The following TRPM3 variants were observed in gnomAD, a reference collection of about 807,000 sequenced individuals.
TRPM3 encodes the protein long transient receptor potential channel 3.
A neutral mutation model predicts 181.2 loss-of-function variants in TRPM3; 77 were observed. The observed-to-expected ratio is 0.42, with a 90% CI of 0.35 to 0.51. TRPM3 has a LOEUF of 0.51. Ranked by LOEUF, TRPM3 falls within the 20% of genes least tolerant of loss-of-function variation. TRPM3 has a pLI of 0.01. For synonymous variants in TRPM3, 745 were observed against 796.4 expected, an observed-to-expected ratio of 0.94 and a Z score of 1.09; for missense variants, 1,759 against 2,196.7, an observed-to-expected ratio of 0.80 and a Z score of 3.98.
chr9:71,137,433 G>A (rs1203502647), intron 1 of TRPM3, among the ~76,000 whole-genome samples: 1 of 150,982 alleles, frequency 6.6e-6, no homozygotes, highest in Non-Finnish European at 1.5e-5. Context: ...GCTCATCTAA[G>A]CATAACACAG....
At chr9:71,292,107 C>T (rs545337846) in intron 1 of TRPM3, among the ~76,000 whole-genome samples, 100 of 151,890 alleles carry the variant, frequency 6.6e-4, no homozygotes, top group African/African-American at 1.5e-3. Flanking sequence ...TTCTAAAGAG[C>T]GCATGTAAAA....
chr9:70,686,686 T>TTTCCTTCCTTCC (rs778689995), intron 8 of TRPM3, among the ~76,000 whole-genome samples: 898 of 58,818 alleles, frequency 0.015, 24 homozygotes, highest in Middle Eastern at 0.038. Context: ...TCCTTCCTTC[T>TTTCCTTCCTTCC]TTCCTTCCTT....
intron 1 of TRPM3, among the ~76,000 whole-genome samples, chr9:71,224,885 C>T (rs78334405): frequency 0.019 from 2,857 of 151,728 alleles, 98 homozygotes; most frequent in African/African-American, 0.066. Flanking sequence ...AAAATTAGTG[C>T]GCTTAAAGAC....
At chr9:70,821,726 CA>C (rs2093187524) in intron 6 of TRPM3, among the ~76,000 whole-genome samples, 1 of 152,160 alleles carries the variant, frequency 6.6e-6, no homozygotes, top group African/African-American at 2.4e-5. Context: ...TCAGGCATAA[CA>C]TTTTTTTCAT....
intron 6 of TRPM3, among the ~76,000 whole-genome samples, chr9:70,812,655 C>G (rs993176036): frequency 2.6e-5 from 4 of 152,186 alleles, no homozygotes; most frequent in Admixed American, 2.0e-4. Context: ...GACAACACCA[C>G]AAACCCTCCT....
intron 20 of TRPM3, among the ~76,000 whole-genome samples, chr9:70,600,131 A>G (rs2059628886): frequency 6.6e-6 from 1 of 152,204 alleles, no homozygotes; most frequent in Admixed American, 6.5e-5. Context: ...ACAGCTGGAC[A>G]GCAGAAGTTG....
At chr9:71,092,717 C>T (rs2066428680) in intron 1 of TRPM3, among the ~76,000 whole-genome samples, 2 of 152,108 alleles carry the variant, frequency 1.3e-5, no homozygotes, top group Admixed American at 1.3e-4. Flanking sequence ...ATATCTTCTA[C>T]TTTTTGGTCA....
intron 1 of TRPM3, among the ~76,000 whole-genome samples, chr9:71,163,896 T>C (rs2076394491): frequency 6.6e-6 from 1 of 152,152 alleles, no homozygotes; most frequent in South Asian, 2.1e-4. Flanking sequence ...ATCAGAATTA[T>C]CAAGAACTAT....
chr9:70,586,485 G>A (rs746135489), intron 22 of TRPM3, among the ~76,000 whole-genome samples: 65 of 152,176 alleles, frequency 4.3e-4, no homozygotes, highest in Admixed American at 7.9e-4. Flanking sequence ...TCTCTATAAC[G>A]TGAGCTGGCT....
intron 1 of TRPM3, among the ~76,000 whole-genome samples, chr9:70,982,806 T>C (rs1320229194): frequency 6.6e-6 from 1 of 152,180 alleles, no homozygotes; most frequent in Non-Finnish European, 1.5e-5. Context: ...CTTCAAGTGG[T>C]TCTTGTGCCT....
chr9:70,629,896 G>C (rs1024719384), intron 12 of TRPM3, among the ~76,000 whole-genome samples: 2 of 152,136 alleles, frequency 1.3e-5, no homozygotes, highest in Non-Finnish European at 2.9e-5. Context: ...AACCTTCTTC[G>C]GGAGGAAGAA....
At chr9:71,366,968 GTGTC>G (rs2092356512) in intron 1 of TRPM3, among the ~76,000 whole-genome samples, 1 of 152,146 alleles carries the variant, frequency 6.6e-6, no homozygotes, top group Non-Finnish European at 1.5e-5. Flanking sequence ...GTTTTTAAAA[GTGTC>G]AGGCAGATAG....
intron 22 of TRPM3, among the ~76,000 whole-genome samples, chr9:70,554,907 C>T (rs781072497): frequency 1.3e-5 from 2 of 152,108 alleles, no homozygotes; most frequent in Non-Finnish European, 2.9e-5. Context: ...TTTATTATTG[C>T]AGTTGTGGCA....
intron 1 of TRPM3, among the ~76,000 whole-genome samples, chr9:71,341,502 C>G (rs766826000): frequency 6.6e-6 from 1 of 151,950 alleles, no homozygotes; most frequent in Non-Finnish European, 1.5e-5. Context: ...CAGACGAACT[C>G]AAGTTGAGAA....
At chr9:70,777,030 TTTGTTG>T (rs34245363) in intron 7 of TRPM3, among the ~76,000 whole-genome samples, 2 of 151,908 alleles carry the variant, frequency 1.3e-5, no homozygotes, top group Non-Finnish European at 2.9e-5. Context: ...TATTTGGATT[TTTGTTG>T]TTGTTGTTGT....
chr9:70,700,201 T>C (rs578258568), intron 8 of TRPM3, among the ~76,000 whole-genome samples: 3 of 152,346 alleles, frequency 2.0e-5, no homozygotes, highest in Non-Finnish European at 2.9e-5. Context: ...CAGGCTGGTC[T>C]TGAACTCCTG....
At chr9:71,373,519 A>C (rs1469958256) in intron 1 of TRPM3, among the ~76,000 whole-genome samples, 1 of 152,190 alleles carries the variant, frequency 6.6e-6, no homozygotes, top group Non-Finnish European at 1.5e-5. Context: ...CATAAACTAG[A>C]AAATCTTGAA....
intron 8 of TRPM3, among the ~76,000 whole-genome samples, chr9:70,683,906 T>C (rs954699991): frequency 6.6e-6 from 1 of 152,178 alleles, no homozygotes; most frequent in Admixed American, 6.5e-5. Flanking sequence ...TGGCTGGCCC[T>C]TTAAGTCAAC....
intron 1 of TRPM3, among the ~76,000 whole-genome samples, chr9:71,054,560 G>A (rs2060444709): frequency 6.6e-6 from 1 of 152,002 alleles, no homozygotes; most frequent in Admixed American, 6.6e-5. Flanking sequence ...TTCATTGTCT[G>A]GTTTATCTGA....
Sources: gnomAD v4.1 joint callset for allele counts (sites outside exome capture counted in the v4.1 genomes callset) on GRCh38, gnomAD v4.1.1 for gene constraint, MANE v1.5 for transcripts, NCBI Gene and HGNC (gene_info 2026-07-23, HGNC 2026-07-21) for gene names.